GSDME: variants seen among roughly 807,000 people sequenced by gnomAD.
GSDME encodes gasdermin-E.
GSDME carries 44 observed loss-of-function variants against 47.5 expected under a neutral mutation model. That is an observed-to-expected ratio of 0.93 (90% CI 0.73 to 1.19). The LOEUF is 1.19. Among genes scored for constraint, GSDME ranks in the 50% most tolerant of loss-of-function variants. The pLI is 0.00. For missense variants in GSDME, 663 were observed against 604.2 expected (o/e 1.10, Z -1.02); for synonymous variants, 258 against 252.8 (o/e 1.02, Z -0.20).
upstream of GSDME, among the ~76,000 whole-genome samples, chr7:24,760,948 T>A (rs914515020): frequency 6.6e-6 from 1 of 152,260 alleles, no homozygotes; most frequent in Non-Finnish European, 1.5e-5. This position sits in a 1 kb window ranked among gnomAD's most constrained non-coding sequence, Gnocchi z 4.2. Flanking sequence ...ACTTGGCAGC[T>A]AGCAAATGAT....
chr7:24,716,090 C>T lies in GSDME; in HGVS notation c.697+1164G>A, dbSNP rs557922447. Among the ~76,000 whole-genome samples, 1 of 152,208 alleles carries T rather than the reference C, an allele frequency of 6.6e-6. No individual in the cohort carries two copies. The highest frequency in any genetic ancestry group is 1.5e-5 in the Non-Finnish European group (1 of 68,042). ...AGGGCAGGAGCTGTCTCACGGGAGA[C>T]TGCCCCCCACCCGCCTTCCACAAAT... On this transcript the variant is annotated intron_variant, in intron 5 of 9. Transcript: ENST00000645220. This position sits in a 1 kb window ranked among gnomAD's most constrained non-coding sequence, Gnocchi z 4.5.
At chr7:24,768,469 A>G in the GSDME span, among the ~76,000 whole-genome samples, 1 of 152,136 alleles carries the variant, frequency 6.6e-6, no homozygotes, top group Non-Finnish European at 1.5e-5. This position sits in a 1 kb window ranked among gnomAD's most constrained non-coding sequence, Gnocchi z 5.6. Flanking sequence ...TAGATCTTTT[A>G]TCTACACCGT....
At chr7:24,790,423 G>A in the GSDME span, among the ~76,000 whole-genome samples, 4 of 152,110 alleles carry the variant, frequency 2.6e-5, no homozygotes, top group African/African-American at 4.8e-5. This position sits in a 1 kb window ranked among gnomAD's most constrained non-coding sequence, Gnocchi z 4.1. Context: ...CTCTTTTCAC[G>A]GGAAGCATAG....
At chr7:24,752,218 A>G (rs1285054238) in intron 1 of GSDME, among the ~76,000 whole-genome samples, 2 of 152,192 alleles carry the variant, frequency 1.3e-5, no homozygotes, top group African/African-American at 4.8e-5. Context: ...TTGATCTGCC[A>G]TCCACCACTT....
At chr7:24,749,368 G>C (rs1562715696) in intron 2 of GSDME, among the ~76,000 whole-genome samples, 196 bp downstream of exon 2, 1 of 152,136 alleles carries the variant, frequency 6.6e-6, no homozygotes, top group Non-Finnish European at 1.5e-5. Context: ...TGGGCGTGGT[G>C]GTGGGTGCCT....
At chr7:24,700,990 T>C (rs1416914983) in intron 9 of GSDME, among the ~76,000 whole-genome samples, 4 of 152,184 alleles carry the variant, frequency 2.6e-5, no homozygotes, top group African/African-American at 9.7e-5. Flanking sequence ...GAAGTTAACA[T>C]TCTCTACTGA....
In GSDME at chr7:24,724,839, G is replaced by A. The variant is rs1562701467; in HGVS notation, c.405-5621C>T. 6.6e-6 allele frequency: 1 copy of A among 152,286 alleles called. No homozygotes were observed. The highest frequency in any genetic ancestry group is 2.4e-5 in the African/African-American group (1 of 41,432). The allele number at this position is 152,286 out of a possible 1,614,324, so 9.4% of individuals were successfully genotyped here. A position where few individuals can be genotyped will look rare whatever the true frequency, so the allele number is the denominator to read the frequency against. On this transcript the variant is annotated intron_variant, in intron 3 of 9. Coordinates refer to ENST00000645220, the MANE Select transcript of GSDME (RefSeq NM_001127453.2). The surrounding 1 kb of genome is among the most constrained non-coding windows in gnomAD (Gnocchi z 4.8). ...TGGTGGGAGGTGTCTGGGTCACGGG[G>A]GTGGATCCCTCATGAAAGGCTTGGT... is the stretch of plus-strand genomic sequence containing the variant.
intron 7 of GSDME, chr7:24,707,917 G>A: frequency 1.6e-6 from 1 of 616,048 alleles, no homozygotes; most frequent in African/African-American, 1.8e-5. Context: ...CCTCAGGTTT[G>A]TTGAGGCAGC....
At chr7:24,753,909 A>C (rs904297873) in intron 1 of GSDME, among the ~76,000 whole-genome samples, 42 of 152,222 alleles carry the variant, frequency 2.8e-4, no homozygotes, top group Non-Finnish European at 5.0e-4. Flanking sequence ...CACTGCCACC[A>C]TCATTCTCAA....
At chr7:24,784,638 T>TC in the GSDME span, among the ~76,000 whole-genome samples, 1 of 149,956 alleles carries the variant, frequency 6.7e-6, no homozygotes, top group Non-Finnish European at 1.5e-5. Context: ...TTTTTTTTTT[T>TC]TTTTTTTTGA....
rs955676576 is a variant in GSDME at position 24,754,359 on chromosome 7, GCAGTAATCC to G, written c.-20+3028_-20+3036del. 7.6e-4 allele frequency among the ~76,000 whole-genome samples: 115 copies of G among 152,040 alleles called. No homozygotes were observed. The highest frequency in any genetic ancestry group is 2.7e-3 in the African/African-American group (113 of 41,472). On this transcript the variant is annotated intron_variant, in intron 1 of 9. Coordinates refer to ENST00000645220, the MANE Select transcript of GSDME (RefSeq NM_001127453.2). The surrounding 1 kb of genome is among the most constrained non-coding windows in gnomAD (Gnocchi z 5.0). ...AAAAATTAGCCAGACATGGTGGCAG[GCAGTAATCC>G]CAGCTACTCGGGAGGCTGAGGCAGG...
intron 9 of GSDME, 84 bp from the exon 10 acceptor site, chr7:24,699,343 TG>T (rs1307689996): frequency 4.3e-5 from 48 of 1,106,390 alleles, no homozygotes; most frequent in Non-Finnish European, 6.1e-5. Context: ...TAGGTAATTC[TG>T]GGGGAAAAAA....
Position 24,728,481 on chromosome 7 carries a change from G to A in GSDME, c.405-9263C>T, listed in dbSNP as rs1294746127. ...TTCAGAAAGCAACAAGAAGCACGAAGAACTCAGAAGCCAAGGGGCTGGGTG... is the reference window on the plus strand; with the variant it reads ...TTCAGAAAGCAACAAGAAGCACGAAAAACTCAGAAGCCAAGGGGCTGGGTG... On this transcript the variant is annotated intron_variant, in intron 3 of 9. Coordinates refer to ENST00000645220, the MANE Select transcript of GSDME (RefSeq NM_001127453.2). This position sits in a 1 kb window ranked among gnomAD's most constrained non-coding sequence, Gnocchi z 7.2. Among the ~76,000 whole-genome samples the A allele has an allele frequency of 6.6e-6, 1 of 152,206 alleles. No homozygotes were observed. Among genetic ancestry groups the A allele is most frequent in the Non-Finnish European group, 1.5e-5 (1 of 68,042 alleles).
At chr7:24,727,965 G>A (rs555846233) in intron 3 of GSDME, among the ~76,000 whole-genome samples, 4 of 152,178 alleles carry the variant, frequency 2.6e-5, no homozygotes, top group East Asian at 1.9e-4. Context: ...CCCACACTAC[G>A]AGTCGGGGGT....
At chr7:24,757,474 G>C (rs10243512), upstream of GSDME, 8 of 151,790 alleles carry the variant, frequency 5.3e-5, no homozygotes, top group Admixed American at 1.3e-4. This position sits in a 1 kb window ranked among gnomAD's most constrained non-coding sequence, Gnocchi z 5.9. Context: ...TGGGCCGGCG[G>C]GGGGCGGGCG....
chr7:24,704,065 G>A (rs977910998), intron 8 of GSDME: 1 of 152,212 alleles, frequency 6.6e-6, no homozygotes, highest in African/African-American at 2.4e-5. Flanking sequence ...CTAGGTGCTA[G>A]GGGCACAGAA....
At chr7:24,794,292 TTTCTCTC>T in the GSDME span, among the ~76,000 whole-genome samples, 7 of 118,276 alleles carry the variant, frequency 5.9e-5, no homozygotes, top group South Asian at 2.7e-4. Context: ...TCTCTCTCTC[TTTCTCTC>T]CTCTCTCTCT....
chr7:24,761,975 T>C (rs1791172544), upstream of GSDME, among the ~76,000 whole-genome samples: 1 of 151,990 alleles, frequency 6.6e-6, no homozygotes. The surrounding 1 kb of genome is among the most constrained non-coding windows in gnomAD (Gnocchi z 4.4). Flanking sequence ...CATTACAGGA[T>C]AGGCGCAGTG....
At position 24,698,963 on chromosome 7, in the gene GSDME, A is replaced by T. The variant is rs1459355432; in HGVS notation, c.*63T>A. 1.8e-6 allele frequency: 2 copies of T among 1,103,176 alleles called. No homozygotes were observed. Among genetic ancestry groups the T allele is most frequent in the Non-Finnish European group, 2.7e-6 (2 of 730,096 alleles). 68.3% of individuals were successfully genotyped at this position (1,103,176 alleles called of 1,614,324 possible). ...TTGGTCAACTTTTAACGTGCATATGACCTTTAACAGTTCTGAAAAATAGCC... is the reference window on the plus strand; with the variant it reads ...TTGGTCAACTTTTAACGTGCATATGTCCTTTAACAGTTCTGAAAAATAGCC... On this transcript the variant is annotated 3_prime_UTR_variant, in exon 10 of 10. Transcript: ENST00000645220.
Sources: gnomAD v4.1 joint callset for allele counts (sites outside exome capture counted in the v4.1 genomes callset) on GRCh38, gnomAD v4.1.1 for gene constraint, Gnocchi (gnomAD v3.1) non-coding constraint, MANE v1.5 for transcripts, NCBI Gene and HGNC (gene_info 2026-07-23, HGNC 2026-07-21) for gene names.